TMEM132D: variants seen among roughly 807,000 people sequenced by gnomAD.
TMEM132D encodes the protein transmembrane protein 132D, also known as mature OL transmembrane protein.
A neutral mutation model predicts 62.3 loss-of-function variants in TMEM132D; 21 were observed. That is an observed-to-expected ratio of 0.34 (90% CI 0.24 to 0.49). The LOEUF (loss-of-function observed/expected upper bound fraction) is 0.49, where lower values mean the gene tolerates loss of function less well. Ranked by LOEUF, TMEM132D falls within the 20% of genes least tolerant of loss-of-function variation. The pLI is 0.99. For synonymous variants in TMEM132D, 621 were observed against 575.6 expected, an observed-to-expected ratio of 1.08 and a Z score of -1.13; for missense variants, 1,346 against 1,402.8, an observed-to-expected ratio of 0.96 and a Z score of 0.65.
At chr12:129,510,332 T>A (rs574357002) in intron 3 of TMEM132D, among the ~76,000 whole-genome samples, 1 of 152,256 alleles carries the variant, frequency 6.6e-6, no homozygotes, top group Admixed American at 6.5e-5. Flanking sequence ...CCCTATAGAG[T>A]TGTTAGAGCT....
At chr12:129,679,583 C>T (rs1427145839) in intron 2 of TMEM132D, among the ~76,000 whole-genome samples, 7 of 151,806 alleles carry the variant, frequency 4.6e-5, no homozygotes, top group Admixed American at 3.3e-4. Context: ...TGCCTTTTTG[C>T]TTAAATTAAC....
intron 3 of TMEM132D, among the ~76,000 whole-genome samples, chr12:129,352,651 T>C (rs893060249): frequency 2.6e-5 from 4 of 151,976 alleles, no homozygotes; most frequent in African/African-American, 9.7e-5. Context: ...TCAACAAACA[T>C]ATGAAAAAAA....
chr12:129,093,728 T>A (rs1875007361), intron 5 of TMEM132D, among the ~76,000 whole-genome samples: 1 of 152,106 alleles, frequency 6.6e-6, no homozygotes, highest in Non-Finnish European at 1.5e-5. Context: ...CATCACCAAG[T>A]CAATCCTAAG....
intron 4 of TMEM132D, among the ~76,000 whole-genome samples, chr12:129,243,356 CTATTAT>C (rs879398563): frequency 1.3e-5 from 2 of 151,806 alleles, no homozygotes; most frequent in Non-Finnish European, 2.9e-5. Context: ...ATGAACAAGT[CTATTAT>C]TATTATTATT....
rs371239093 is a variant in TMEM132D at position 129,167,828 on chromosome 12, T to C, written c.1443+41692A>G. ...CCCCAGATTCAGTGTTTCTAAGATA[T>C]GGGAGCTCCAGGAAGTGAAAAGAAC... On this transcript the variant is annotated intron_variant, in intron 5 of 8. Coordinates refer to ENST00000422113, the MANE Select transcript of TMEM132D (RefSeq NM_133448.3). Among the ~76,000 whole-genome samples the C allele has an allele frequency of 1.2e-4, 19 of 152,042 alleles. No individual in the cohort carries two copies. The East Asian group carries it at 3.3e-3, about 26-fold the overall frequency.
chr12:129,267,907 G>A (rs201691050), intron 4 of TMEM132D, among the ~76,000 whole-genome samples: 13,534 of 151,814 alleles, frequency 0.089, 758 homozygotes, highest in Admixed American at 0.17. Flanking sequence ...GATCTTTGAA[G>A]AACCTGACAA....
At chr12:129,518,263 G>T (rs1277054145) in intron 3 of TMEM132D, among the ~76,000 whole-genome samples, 3 of 152,112 alleles carry the variant, frequency 2.0e-5, no homozygotes, top group African/African-American at 7.2e-5. Context: ...ACTAAGTCAT[G>T]CTTATTGCAG....
chr12:129,168,734 C>G (rs893199526), intron 5 of TMEM132D, among the ~76,000 whole-genome samples: 1 of 152,132 alleles, frequency 6.6e-6, no homozygotes, highest in Non-Finnish European at 1.5e-5. Context: ...CTGTCCTCTA[C>G]CTTCCAGATG....
chr12:129,252,163 CA>C (rs1248598129), intron 4 of TMEM132D, among the ~76,000 whole-genome samples: 1 of 152,108 alleles, frequency 6.6e-6, no homozygotes, highest in Admixed American at 6.6e-5. Context: ...TTTTATATTT[CA>C]AATTCACAAA....
chr12:129,534,327 C>T (rs1360938904), intron 2 of TMEM132D, among the ~76,000 whole-genome samples: 1 of 152,044 alleles, frequency 6.6e-6, no homozygotes, highest in Non-Finnish European at 1.5e-5. Context: ...TGCACATGCA[C>T]TGTGATTGGG....
Position 129,710,287 on chromosome 12 carries a change from TA to T in TMEM132D, c.80-9590del, listed in dbSNP as rs1881609088. Among the ~76,000 whole-genome samples, 9 of 135,406 alleles carry T rather than the reference TA, an allele frequency of 6.6e-5. No homozygotes were observed. The Admixed American group carries it at 7.0e-4, about 11-fold the overall frequency. 88.8% of individuals were successfully genotyped at this position (135,406 alleles called of 152,430 possible). A position where few individuals can be genotyped will look rare whatever the true frequency, so the allele number is the denominator to read the frequency against. On this transcript the variant is annotated intron_variant, in intron 1 of 8. Coordinates refer to ENST00000422113, the MANE Select transcript of TMEM132D (RefSeq NM_133448.3). ...ATCGCTAATGGTCATTATTAATTTT[TA>T]TTTATTTATTTATTTATTTATTTTT...
chr12:129,197,908 A>G lies in TMEM132D; in HGVS notation c.1443+11612T>C, dbSNP rs555392036. On this transcript the variant is annotated intron_variant, in intron 5 of 8. Transcript: ENST00000422113. ...ATACATCCAATAAGGGTTAACATCT[A>G]AAATATATAAGAAATTCAAACAACT... Among the ~76,000 whole-genome samples the G allele has an allele frequency of 4.6e-5, 7 of 152,368 alleles. No homozygotes were observed. In the East Asian group the frequency reaches 1.3e-3, roughly 29 times the overall value.
At chr12:129,115,535 T>C (rs138986341) in intron 5 of TMEM132D, among the ~76,000 whole-genome samples, 13 of 152,188 alleles carry the variant, frequency 8.5e-5, no homozygotes, top group African/African-American at 3.1e-4. Flanking sequence ...CGTCAGGGCA[T>C]ATTCCTGTGT....
intron 2 of TMEM132D, among the ~76,000 whole-genome samples, chr12:129,548,115 T>C (rs551825453): frequency 1.7e-4 from 26 of 152,326 alleles, no homozygotes; most frequent in Middle Eastern, 3.4e-3. Flanking sequence ...CACATTTAGT[T>C]GTCGCTTAAT....
chr12:129,815,965 G>A (rs1260239966), intron 1 of TMEM132D, among the ~76,000 whole-genome samples: 1 of 151,714 alleles, frequency 6.6e-6, no homozygotes, highest in African/African-American at 2.4e-5. Context: ...CTGCAAGCCA[G>A]ATGACTGACG....
chr12:129,263,583 T>C (rs1218728269), intron 4 of TMEM132D, among the ~76,000 whole-genome samples: 2 of 151,932 alleles, frequency 1.3e-5, no homozygotes, highest in South Asian at 4.2e-4. Flanking sequence ...CAGGAGGACC[T>C]TAAAGATTAA....
chr12:129,481,727 C>T (rs1227971217), intron 3 of TMEM132D, among the ~76,000 whole-genome samples: 1 of 152,098 alleles, frequency 6.6e-6, no homozygotes, highest in Non-Finnish European at 1.5e-5. Flanking sequence ...ATGTTAATTG[C>T]CACAACCTTT....
At chr12:129,250,545 A>G (rs2135589921) in intron 4 of TMEM132D, among the ~76,000 whole-genome samples, 1 of 152,218 alleles carries the variant, frequency 6.6e-6, no homozygotes, top group South Asian at 2.1e-4. Flanking sequence ...GAACCAGAAC[A>G]CCCCTGTGCG....
At chr12:129,882,396 T>A (rs1373450953) in intron 1 of TMEM132D, among the ~76,000 whole-genome samples, 1 of 152,084 alleles carries the variant, frequency 6.6e-6, no homozygotes. Context: ...AATATATCAA[T>A]ATATAAAATA....
Sources: gnomAD v4.1 joint callset for allele counts (sites outside exome capture counted in the v4.1 genomes callset) on GRCh38, gnomAD v4.1.1 for gene constraint, MANE v1.5 for transcripts, NCBI Gene and HGNC (gene_info 2026-07-23, HGNC 2026-07-21) for gene names.